Variants in AKR7A3 observed in about 807,000 individuals in gnomAD.
AKR7A3 encodes the protein aldo-keto reductase family 7 member A3, also known as AFB1 aldehyde reductase 2.
A neutral mutation model predicts 32.5 loss-of-function variants in AKR7A3; 37 were observed. That is an observed-to-expected ratio of 1.14 (90% CI 0.88 to 1.50). The LOEUF (loss-of-function observed/expected upper bound fraction) is 1.50. Among genes scored for constraint, AKR7A3 ranks in the 40% most tolerant of loss-of-function variants. AKR7A3 has a pLI of 0.00. For synonymous variants in AKR7A3, 177 were observed against 188.4 expected (o/e 0.94, Z 0.50); for missense variants, 412 against 453.2 (o/e 0.91, Z 0.83).
At chr1:19,287,969 G>C (rs566886763) in intron 1 of AKR7A3, among the ~76,000 whole-genome samples, 1 of 152,336 alleles carries the variant, frequency 6.6e-6, no homozygotes, top group Non-Finnish European at 1.5e-5. Flanking sequence ...GCCCTTGTGA[G>C]TACCACAAGG....
Position 19,286,377 on chromosome 1 carries a change from G to A in AKR7A3, c.215-5C>T, listed in dbSNP as rs748091804. 48 of 1,612,724 alleles carry A rather than the reference G, an allele frequency of 3.0e-5. No individual in the cohort carries two copies. The highest frequency in any genetic ancestry group is 3.8e-5 in the Non-Finnish European group (45 of 1,179,246). ...TGGCCTTGGTATCAATTTTCACTGA[G>A]AGGAAAGAGAAATGAAATTCAGGGC... is the stretch of plus-strand genomic sequence containing the variant. On this transcript the variant is annotated splice_region_variant and splice_polypyrimidine_tract_variant and intron_variant, in intron 1 of 6. Transcript: ENST00000361640.
chr1:19,275,411 C>CA, the AKR7A3 span, among the ~76,000 whole-genome samples: 73 of 138,012 alleles, frequency 5.3e-4, 1 homozygote, highest in South Asian at 9.0e-4. Context: ...AATTCCATCT[C>CA]AAAAAAAAAA....
intron 1 of AKR7A3, 117 bp downstream of exon 1, chr1:19,288,379 G>A: frequency 3.1e-6 from 4 of 1,291,994 alleles, no homozygotes; most frequent in South Asian, 1.5e-5. Flanking sequence ...GGGTGGGGGC[G>A]GTGGGGGGGA....
At chr1:19,282,416 G>C, downstream of AKR7A3, 1 of 419,486 alleles carries the variant, frequency 2.4e-6, no homozygotes, top group East Asian at 5.3e-5. Flanking sequence ...TGCCATGACT[G>C]TAAGCTTCCT....
chr1:19,286,311 C>T lies in AKR7A3; in HGVS notation c.276G>A (p.Arg92=), dbSNP rs766699847. Residue 92 remains arginine, a synonymous_variant, in exon 2 of 7, where the codon CGG becomes CGA. Transcript: ENST00000361640. ...GCTTCAGTGACGTCTCCAGCTGGAA[C>T]CGGAGACTGTCAGGCTTCAGGGAGT... ...FGNSLKPDSL[R]FQLETSLKRL... 3 of 1,613,928 alleles carry T rather than the reference C, an allele frequency of 1.9e-6. No individual in the cohort carries two copies. The highest frequency in any genetic ancestry group is 2.5e-6 in the Non-Finnish European group (3 of 1,180,044).
chr1:19,276,807 A>T, the AKR7A3 span, among the ~76,000 whole-genome samples: 2 of 151,468 alleles, frequency 1.3e-5, no homozygotes, highest in Non-Finnish European at 2.9e-5. Context: ...GTCTTAAAAA[A>T]AAATAACAAA....
intron 1 of AKR7A3, 32 bp from the exon 2 acceptor site, chr1:19,286,404 A>G: frequency 6.2e-7 from 1 of 1,606,280 alleles, no homozygotes; most frequent in Non-Finnish European, 8.5e-7. Flanking sequence ...ATTCAGGGCC[A>G]GGCGCCGTGG....
downstream of AKR7A3, among the ~76,000 whole-genome samples, chr1:19,281,583 C>T (rs369963950): frequency 1.3e-5 from 2 of 151,482 alleles, no homozygotes; most frequent in Non-Finnish European, 2.9e-5. Context: ...TGCAGTGAGC[C>T]GAGATTGCAC....
At chr1:19,285,805 A>C in intron 3 of AKR7A3, 83 bp downstream of exon 3, 1 of 1,551,096 alleles carries the variant, frequency 6.4e-7, no homozygotes, top group Admixed American at 1.7e-5. Context: ...TGCAGAGGGC[A>C]CAGGGGGCAG....
chr1:19,274,318 A>C, the AKR7A3 span: 1 of 665,380 alleles, frequency 1.5e-6, no homozygotes, highest in Non-Finnish European at 2.2e-6. Context: ...CGTACCGGTG[A>C]CTCGCGTCTT....
the AKR7A3 span, among the ~76,000 whole-genome samples, chr1:19,276,000 A>G: frequency 6.6e-6 from 1 of 152,012 alleles, no homozygotes; most frequent in Admixed American, 6.5e-5. Flanking sequence ...TGGAGGTTTC[A>G]ACACACCACT....
chr1:19,279,039 G>A (rs1290310499), downstream of AKR7A3, among the ~76,000 whole-genome samples: 1 of 151,876 alleles, frequency 6.6e-6, no homozygotes, highest in East Asian at 1.9e-4. Context: ...GCTCACTCCA[G>A]CCTTGAATAC....
Position 19,284,058 on chromosome 1 carries a change from C to T in AKR7A3, c.772G>A (p.Ala258Thr), listed in dbSNP as rs762718170. The T allele has an allele frequency of 9.3e-6, 15 of 1,613,580 alleles. 1 individual carries two copies. Among genetic ancestry groups the T allele is most frequent in the Admixed American group, 5.0e-5 (3 of 59,992 alleles). The change falls in exon 6 of 7, where the codon GCC becomes ACC. Residue 258 changes from alanine (A) to threonine (T), a missense_variant. By Grantham distance (58) the Ala-to-Thr change is moderately conservative (BLOSUM62 0). Transcript: ENST00000361640. The part of the protein sequence containing the change: ...VEKALQAAYG[A>T]SAPSMTSATL... The stretch of plus-strand genomic sequence containing the variant: ...GCCGAGGTCATGCTGGGGGCGCTGG[C>T]GCCATACGCGGCCTGCAGGGCCTTC...
downstream of AKR7A3, among the ~76,000 whole-genome samples, chr1:19,281,673 T>G (rs977034327): frequency 6.6e-6 from 1 of 151,926 alleles, no homozygotes; most frequent in Non-Finnish European, 1.5e-5. Flanking sequence ...AAAAGCCAGT[T>G]GGGATTTGGA....
downstream of AKR7A3, among the ~76,000 whole-genome samples, chr1:19,281,158 CA>C (rs2093718297): frequency 6.6e-6 from 1 of 151,678 alleles, no homozygotes; most frequent in Non-Finnish European, 1.5e-5. Context: ...CTCCCTGCCT[CA>C]GCCTCCCGAG....
Position 19,286,230 on chromosome 1 carries a change from G to A in AKR7A3, c.357C>T (p.Thr119=), listed in dbSNP as rs1774079. The change falls in exon 2 of 7, where the codon ACC becomes ACT. Residue 119 remains threonine, a synonymous_variant. Coordinates refer to ENST00000361640, the MANE Select transcript of AKR7A3 (RefSeq NM_012067.3). ...LFYLHMPDHS[T]PVEETLRACH... is the part of the protein sequence containing the mutation. ...AGGCACGCAGTGTCTCTTCCACCGG[G>A]GTGCTGTGGTCTGGCATATGCAGGT... 3.8e-4 allele frequency: 614 copies of A among 1,613,370 alleles called. 14 individuals carry two copies. The African/African-American group carries it at 7.4e-3, about 19-fold the overall frequency.
chr1:19,278,517 C>T (rs1231675193), downstream of AKR7A3, among the ~76,000 whole-genome samples: 6 of 151,632 alleles, frequency 4.0e-5, no homozygotes, highest in Non-Finnish European at 8.8e-5. Context: ...GCCAAGATCG[C>T]GCCACTGCAC....
chr1:19,285,126 G>A lies in AKR7A3; in HGVS notation c.508-12C>T, dbSNP rs368737353. On this transcript the variant is annotated splice_polypyrimidine_tract_variant and intron_variant, in intron 3 of 6. Coordinates refer to ENST00000361640, the MANE Select transcript of AKR7A3 (RefSeq NM_012067.3). ...GCATTGTACATGCCCTGTAAGGAGAGGGGCCCCGGGGGAGAGGGTGGATGT... is the reference window on the plus strand; with the variant it reads ...GCATTGTACATGCCCTGTAAGGAGAAGGGCCCCGGGGGAGAGGGTGGATGT... 6.2e-5 allele frequency: 100 copies of A among 1,613,140 alleles called. No individual in the cohort carries two copies. The highest frequency in any genetic ancestry group is 1.8e-4 in the Admixed American group (11 of 59,976).
rs772101610 is a variant in AKR7A3 at position 19,282,766 on chromosome 1, A to C, written c.961T>G (p.Leu321Val). The C allele has an allele frequency of 3.7e-6, 6 of 1,613,608 alleles. No individual in the cohort carries two copies. Among genetic ancestry groups the C allele is most frequent in the Non-Finnish European group, 3.4e-6 (4 of 1,180,034 alleles). ...VVDAFNQAWH[L>V]VTHECPNYFR ...TAGTTGGGACATTCGTGAGTAACCA[A>C]ATGCCAGGCTTGATTAAAGGCGTCC... The change falls in exon 7 of 7, where the codon TTG (leucine) becomes GTG (valine). Residue 321 changes from leucine to valine, a missense_variant. Leu to Val is a conservative substitution (Grantham distance 32). Transcript: ENST00000361640.
Sources: gnomAD v4.1 joint callset for allele counts (sites outside exome capture counted in the v4.1 genomes callset) on GRCh38, gnomAD v4.1.1 for gene constraint, MANE v1.5 for transcripts, NCBI Gene and HGNC (gene_info 2026-07-23, HGNC 2026-07-21) for gene names.